The following CFAP46 variants were observed in gnomAD, a reference collection of about 807,000 sequenced individuals.
CFAP46 encodes cilia and flagella associated protein 46, also known as cilia- and flagella-associated protein 46.
CFAP46 carries 245 observed loss-of-function variants against 325.7 expected under a neutral mutation model. That is an observed-to-expected ratio of 0.75 (90% CI 0.68 to 0.84). The LOEUF is 0.84. Ranked by LOEUF, CFAP46 falls within the 40% of genes least tolerant of loss-of-function variation. The pLI, the probability that CFAP46 is intolerant of heterozygous loss-of-function variation, is 0.00. For missense variants in CFAP46, 3,346 were observed against 3,543.0 expected (o/e 0.94, Z 1.41); for synonymous variants, 1,523 against 1,495.9 (o/e 1.02, Z -0.42).
At chr10:132,936,906 C>G in intron 7 of CFAP46, 55 bp downstream of exon 7, 1 of 1,157,890 alleles carries the variant, frequency 8.6e-7, no homozygotes, top group Non-Finnish European at 1.2e-6. Flanking sequence ...CAGAGCTCTC[C>G]CAAGCCCAGC....
chr10:132,891,885 C>T (rs1849258937), intron 25 of CFAP46, among the ~76,000 whole-genome samples: 1 of 152,206 alleles, frequency 6.6e-6, no homozygotes. Context: ...GTCCCACCTT[C>T]TGGACCAAAC....
intron 50 of CFAP46, among the ~76,000 whole-genome samples, chr10:132,820,581 A>C (rs1323118163): frequency 7.0e-6 from 1 of 142,360 alleles, no homozygotes; most frequent in Non-Finnish European, 1.5e-5. Flanking sequence ...GTGTGCGCTG[A>C]TGTGTGCTGT....
At chr10:132,835,992 T>TCCCGTCCCCGCTCCCCTCCCCTA in intron 46 of CFAP46, 150 bp downstream of exon 46, 1 of 41,386 alleles carries the variant, frequency 2.4e-5, no homozygotes, top group African/African-American at 1.1e-4. Flanking sequence ...CCCCTCCCCT[T>TCCCGTCCCCGCTCCCCTCCCCTA]CTCGCCCTGC....
chr10:132,862,292 C>T (rs983534941), intron 35 of CFAP46, among the ~76,000 whole-genome samples: 1 of 152,132 alleles, frequency 6.6e-6, no homozygotes, highest in Non-Finnish European at 1.5e-5. Flanking sequence ...CGGGCCCCTG[C>T]GGGGCTTGTT....
intron 45 of CFAP46, 69 bp from the exon 46 acceptor site, chr10:132,836,287 A>C: frequency 1.3e-6 from 2 of 1,491,782 alleles, no homozygotes; most frequent in Non-Finnish European, 1.9e-6. Flanking sequence ...GCCCAGCTCC[A>C]GCGACCTCAG....
chr10:132,810,270 A>C, intron 57 of CFAP46, 139 bp downstream of exon 57: 1 of 750,752 alleles, frequency 1.3e-6, no homozygotes, highest in Non-Finnish European at 2.3e-6. Flanking sequence ...TCCGGCTCCT[A>C]GTTAACGTCT....
chr10:132,885,977 G>A lies in CFAP46; in HGVS notation c.3305-18C>T. The A allele has an allele frequency of 1.9e-6, 3 of 1,548,308 alleles. No homozygotes were observed. The highest frequency in any genetic ancestry group is 2.6e-6 in the Non-Finnish European group (3 of 1,145,490). ...CTCAGCCCCTGGGAGGGAGAAGGAG[G>A]GGTGTCCTTGGAGCCGCCTGATCCC... On this transcript the variant is annotated intron_variant, in intron 25 of 57. Coordinates refer to ENST00000368586, the MANE Select transcript of CFAP46 (RefSeq NM_001200049.3).
chr10:132,910,442 T>C (rs1849525014), intron 19 of CFAP46, among the ~76,000 whole-genome samples: 1 of 152,264 alleles, frequency 6.6e-6, no homozygotes, highest in Non-Finnish European at 1.5e-5. Context: ...GCGTGAAATC[T>C]GCCACGTGCT....
chr10:132,811,260 G>A (rs556936541), intron 55 of CFAP46, among the ~76,000 whole-genome samples: 7 of 152,208 alleles, frequency 4.6e-5, no homozygotes, highest in African/African-American at 7.2e-5. Flanking sequence ...TCCTCCCGGC[G>A]ACTGTGCCGG....
intron 13 of CFAP46, among the ~76,000 whole-genome samples, chr10:132,921,182 C>G (rs1849717577): frequency 2.0e-5 from 3 of 152,326 alleles, no homozygotes; most frequent in Admixed American, 1.3e-4. Context: ...CTGGGTGACA[C>G]CTGGTTCGTC....
At chr10:132,841,142 T>C (rs1848340011) in intron 44 of CFAP46, among the ~76,000 whole-genome samples, 1 of 152,212 alleles carries the variant, frequency 6.6e-6, no homozygotes, top group Non-Finnish European at 1.5e-5. Context: ...ACAAACCCCG[T>C]AGCCCCAAAG....
chr10:132,823,164 ATGTGTGCTGTCTGTGCGC>A (rs1198073152), intron 50 of CFAP46, among the ~76,000 whole-genome samples: 2 of 72,504 alleles, frequency 2.8e-5, no homozygotes, highest in African/African-American at 5.7e-5. Flanking sequence ...TGTGTGAGTG[ATGTGTGCTGTCTGTGCGC>A]TGTGTGCTGA....
At chr10:132,858,600 C>T (rs1446216938) in intron 38 of CFAP46, among the ~76,000 whole-genome samples, 6 of 152,148 alleles carry the variant, frequency 3.9e-5, no homozygotes, top group East Asian at 3.9e-4. Flanking sequence ...TCTGCGGCCG[C>T]GCTACAGAGC....
At chr10:132,822,269 G>GC (rs1847871231) in intron 50 of CFAP46, among the ~76,000 whole-genome samples, 1 of 133,354 alleles carries the variant, frequency 7.5e-6, no homozygotes, top group Non-Finnish European at 1.6e-5. Context: ...TGCTGTGTGT[G>GC]TGCTGTGTGA....
rs1183052837 is a variant in CFAP46 at position 132,926,623 on chromosome 10, G to A, written c.1010C>T (p.Ser337Leu). ...CTTACTTTCAAGTCTTAAAGCTTCC[G>A]ATTCACACTCCAGACATTCCATTTC... ...LIEMECLECE[S>L]EALRLESKMK... Residue 337 changes from serine to leucine, a missense_variant, in exon 10 of 58, where the codon TCG becomes TTG. Transcript: ENST00000368586. The A allele has an allele frequency of 1.3e-5, 20 of 1,536,126 alleles. No individual in the cohort carries two copies. The highest frequency in any genetic ancestry group is 3.6e-5 in the South Asian group (3 of 84,066).
In CFAP46 at chr10:132,808,671, G is replaced by T. The variant is rs1466540769; in HGVS notation, c.7898C>A (p.Ala2633Asp). 6.3e-7 allele frequency: 1 copy of T among 1,583,436 alleles called. No individual in the cohort carries two copies. Among genetic ancestry groups the T allele is most frequent in the Non-Finnish European group, 8.6e-7 (1 of 1,164,500 alleles). Residue 2633 changes from alanine (A) to aspartate (D), a missense_variant, in exon 58 of 58, where the codon GCT (alanine) becomes GAT (aspartate). Physicochemically the swap from Ala to Asp is moderately radical, Grantham distance 126. Transcript: ENST00000368586. This position sits in a 1 kb window ranked among gnomAD's most constrained non-coding sequence, Gnocchi z 6.8. ...TGGGGAGAGGCCCAGGAAGGGGAGA[G>T]CGAGCTGGGAGCTGGGGATGGGAGC... Reference protein sequence around the residue: ...LPAPIPSSQLALPFLGLSPAL... With the variant: ...LPAPIPSSQLDLPFLGLSPAL...
Position 132,899,663 on chromosome 10 carries a change from C to A in CFAP46, c.2928G>T (p.Glu976Asp). 1 of 1,548,722 alleles carries A rather than the reference C, an allele frequency of 6.5e-7. No homozygotes were observed. ...GCATCTCTGCCACCAGCCGGGACTC[C>A]TCGCTGCAGGAACAGGGCCAGTGAG... The part of the protein sequence containing the change: ...GIKYLKKFGP[E>D]ESRLVAEMLC... Residue 976 changes from glutamate (E) to aspartate (D), a missense_variant, in exon 23 of 58, where the codon GAG (glutamate) becomes GAT (aspartate). Glu to Asp is a conservative substitution (Grantham distance 45). Transcript: ENST00000368586.
chr10:132,922,123 G>A lies in CFAP46; in HGVS notation c.1587C>T (p.Asp529=), dbSNP rs1188489087. 2 of 1,550,330 alleles carry A rather than the reference G, an allele frequency of 1.3e-6. No individual in the cohort carries two copies. Among genetic ancestry groups the A allele is most frequent in the East Asian group, 2.4e-5 (1 of 40,920 alleles). The change falls in exon 13 of 58, where the codon GAC becomes GAT. Residue 529 remains aspartate, a synonymous_variant. Coordinates refer to ENST00000368586, the MANE Select transcript of CFAP46 (RefSeq NM_001200049.3). The stretch of plus-strand genomic sequence containing the variant: ...GCTCACCTTTGGCCTCATTCTCACT[G>A]TCCAGCACAATCTGAAACGCGTCAG... ...LAPDAFQIVL[D]SENEAKVSTG...
chr10:132,860,390 T>G, intron 37 of CFAP46, 27 bp downstream of exon 37: 1 of 1,501,176 alleles, frequency 6.7e-7, no homozygotes, highest in Non-Finnish European at 9.1e-7. Flanking sequence ...TTCACGCTAA[T>G]GAACAGTGTT....
Sources: allele counts gnomAD v4.1 joint callset (sites outside exome capture counted in the v4.1 genomes callset), GRCh38; gene constraint gnomAD v4.1.1; non-coding constraint Gnocchi (gnomAD v3.1); transcripts MANE v1.5; gene names NCBI Gene and HGNC (gene_info 2026-07-23, HGNC 2026-07-21).